The following UST variants were observed in gnomAD, a reference collection of about 807,000 sequenced individuals.
The protein encoded by UST is chondroitin sulfate 2-O-sulfotransferase.
Under a neutral mutation model 45.6 loss-of-function variants are expected in UST, and 21 were observed. The observed-to-expected ratio is 0.46, with a 90% CI of 0.33 to 0.66. The LOEUF is 0.66. Among genes scored for constraint, UST ranks in the 30% least tolerant of loss-of-function variants. UST has a pLI of 0.02. For synonymous variants in UST, 215 were observed against 200.6 expected (o/e 1.07, Z -0.61); for missense variants, 463 against 512.4 (o/e 0.90, Z 0.93).
At chr6:148,864,400 G>A (rs750189547) in intron 1 of UST, among the ~76,000 whole-genome samples, 2 of 152,218 alleles carry the variant, frequency 1.3e-5, no homozygotes, top group African/African-American at 2.4e-5. Flanking sequence ...GGTGCCATGC[G>A]TCACAGCTTC....
intron 7 of UST, among the ~76,000 whole-genome samples, chr6:149,029,974 C>G (rs906419869): frequency 6.6e-6 from 1 of 151,478 alleles, no homozygotes; most frequent in African/African-American, 2.4e-5. Flanking sequence ...ATACATGATG[C>G]AATCATCTTA....
At chr6:148,950,246 C>T (rs1004170492) in intron 3 of UST, among the ~76,000 whole-genome samples, 1 of 152,188 alleles carries the variant, frequency 6.6e-6, no homozygotes, top group Admixed American at 6.5e-5. Flanking sequence ...TGAGAATTTG[C>T]ATTTCTAACA....
At chr6:148,919,303 C>T (rs887760766) in intron 2 of UST, among the ~76,000 whole-genome samples, 1 of 152,198 alleles carries the variant, frequency 6.6e-6, no homozygotes, top group African/African-American at 2.4e-5. Flanking sequence ...CAGCTCACAG[C>T]TGTAATAGTT....
intron 1 of UST, among the ~76,000 whole-genome samples, chr6:148,835,053 A>G (rs1777761000): frequency 6.6e-6 from 1 of 152,218 alleles, no homozygotes; most frequent in African/African-American, 2.4e-5. Flanking sequence ...TATGATCCCT[A>G]TGCAATATAC....
At chr6:148,767,161 G>A (rs1055909400) in intron 1 of UST, among the ~76,000 whole-genome samples, 10 of 152,152 alleles carry the variant, frequency 6.6e-5, no homozygotes, top group Non-Finnish European at 1.3e-4. Context: ...GGGAAATAAT[G>A]AATACCTGTA....
At chr6:149,021,593 A>G in intron 7 of UST, 112 bp downstream of exon 7, 1 of 1,270,566 alleles carries the variant, frequency 7.9e-7, no homozygotes, top group Non-Finnish European at 1.1e-6. Flanking sequence ...CTGATGACAA[A>G]GGGCAGTTAG....
At chr6:148,759,284 G>C (rs1316893328) in intron 1 of UST, among the ~76,000 whole-genome samples, 3 of 152,148 alleles carry the variant, frequency 2.0e-5, no homozygotes, top group African/African-American at 7.2e-5. Flanking sequence ...CCAGCACTTT[G>C]GGAGGCCGAG....
intron 1 of UST, among the ~76,000 whole-genome samples, chr6:148,804,747 A>G (rs774775476): frequency 2.6e-5 from 4 of 151,840 alleles, no homozygotes; most frequent in African/African-American, 9.7e-5. Flanking sequence ...CATAAAATCA[A>G]TATTTAATGG....
chr6:148,880,394 C>T (rs1778801139), intron 1 of UST, among the ~76,000 whole-genome samples: 1 of 152,198 alleles, frequency 6.6e-6, no homozygotes, highest in African/African-American at 2.4e-5. Context: ...GTTACAAATC[C>T]TGGCCTCCTA....
intron 1 of UST, among the ~76,000 whole-genome samples, chr6:148,884,510 C>G (rs1374114444): frequency 6.6e-6 from 1 of 152,032 alleles, no homozygotes; most frequent in African/African-American, 2.4e-5. Context: ...GAGGATAGAG[C>G]CAGTTCAAAA....
intron 1 of UST, among the ~76,000 whole-genome samples, chr6:148,801,528 G>A (rs1276631670): frequency 2.6e-5 from 4 of 152,060 alleles, no homozygotes; most frequent in Non-Finnish European, 5.9e-5. Flanking sequence ...CCATAATGAG[G>A]CCAGCATCCT....
At chr6:148,773,726 C>CAGAT (rs1776476962) in intron 1 of UST, among the ~76,000 whole-genome samples, 1 of 152,150 alleles carries the variant, frequency 6.6e-6, no homozygotes, top group Non-Finnish European at 1.5e-5. Flanking sequence ...GTGTGAGGGA[C>CAGAT]AGATGTCAGA....
At chr6:148,947,397 T>C (rs1370858103) in intron 3 of UST, among the ~76,000 whole-genome samples, 2 of 152,218 alleles carry the variant, frequency 1.3e-5, no homozygotes, top group Non-Finnish European at 2.9e-5. Flanking sequence ...CAGGTCCCAC[T>C]GCAAAATACA....
chr6:148,923,038 T>C (rs1250313429), intron 2 of UST, among the ~76,000 whole-genome samples: 1 of 152,114 alleles, frequency 6.6e-6, no homozygotes, highest in African/African-American at 2.4e-5. Flanking sequence ...CCTCAAGTGA[T>C]CCACCCATCT....
chr6:148,892,354 A>G (rs923147388), intron 2 of UST, among the ~76,000 whole-genome samples: 4 of 152,234 alleles, frequency 2.6e-5, no homozygotes, highest in African/African-American at 9.6e-5. Context: ...GAAATTCTCC[A>G]CTCTAGTCAA....
chr6:148,941,728 T>C (rs1780131749), intron 3 of UST, among the ~76,000 whole-genome samples: 2 of 152,216 alleles, frequency 1.3e-5, no homozygotes, highest in South Asian at 4.1e-4. Flanking sequence ...CAAAGAGTCA[T>C]ACCACCGAGC....
intron 1 of UST, among the ~76,000 whole-genome samples, chr6:148,789,836 G>C (rs776785315): frequency 1.3e-5 from 2 of 152,036 alleles, no homozygotes; most frequent in Non-Finnish European, 2.9e-5. Context: ...GACCTCAAAA[G>C]ATCCACCCGT....
chr6:148,922,841 G>A (rs1223593816), intron 2 of UST, among the ~76,000 whole-genome samples: 1 of 151,928 alleles, frequency 6.6e-6, no homozygotes, highest in African/African-American at 2.4e-5. Context: ...CACCCAGGCT[G>A]GAGTGCAGTG....
At chr6:148,995,630 G>A (rs1231244113) in intron 5 of UST, among the ~76,000 whole-genome samples, 4 of 152,252 alleles carry the variant, frequency 2.6e-5, no homozygotes, top group Non-Finnish European at 5.9e-5. Flanking sequence ...TGGGTCACAT[G>A]TGACTTGCCG....
Sources: gnomAD v4.1 joint callset for allele counts (sites outside exome capture counted in the v4.1 genomes callset) on GRCh38, gnomAD v4.1.1 for gene constraint, MANE v1.5 for transcripts, NCBI Gene and HGNC (gene_info 2026-07-23, HGNC 2026-07-21) for gene names.